Variants in ZNF18 observed in about 807,000 individuals in gnomAD.
ZNF18 encodes the protein heart development-specific gene 1 protein.
In ZNF18, 42 loss-of-function variants were observed where a neutral mutation model predicts 58.1. The observed-to-expected ratio is 0.72, with a 90% CI of 0.56 to 0.93. The LOEUF (loss-of-function observed/expected upper bound fraction) is 0.93, where lower values mean the gene tolerates loss of function less well. ZNF18 is among the 40% of genes least tolerant of loss of function. The pLI, the probability that ZNF18 is intolerant of heterozygous loss-of-function variation, is 0.00. For missense variants in ZNF18, 540 were observed against 644.2 expected (o/e 0.84, Z 1.75); for synonymous variants, 231 against 239.8 (o/e 0.96, Z 0.34).
chr17:11,981,814 C>T (rs1410383863), intron 6 of ZNF18, among the ~76,000 whole-genome samples: 3 of 152,086 alleles, frequency 2.0e-5, no homozygotes, highest in Non-Finnish European at 4.4e-5. Context: ...CTGCAACAAC[C>T]TCCAAAGCAA....
At chr17:12,008,998 C>A in the ZNF18 span, 3 of 152,208 alleles carry the variant, frequency 2.0e-5, no homozygotes. Flanking sequence ...CTGGCAAATT[C>A]CTGACTTACG....
chr17:12,016,546 T>C, the ZNF18 span, among the ~76,000 whole-genome samples: 1 of 152,066 alleles, frequency 6.6e-6, no homozygotes, highest in African/African-American at 2.4e-5. Flanking sequence ...CCCACCTTGG[T>C]TTTGAACTCC....
chr17:12,004,917 G>A, the ZNF18 span, among the ~76,000 whole-genome samples: 1 of 148,634 alleles, frequency 6.7e-6, no homozygotes, highest in African/African-American at 2.5e-5. Context: ...GAAAAGAAAT[G>A]TGCATTTATA....
At chr17:12,017,864 C>T in the ZNF18 span, among the ~76,000 whole-genome samples, 1 of 141,408 alleles carries the variant, frequency 7.1e-6, no homozygotes, top group African/African-American at 2.6e-5. Flanking sequence ...GCAACAAGAG[C>T]GAAACACCAT....
the ZNF18 span, chr17:12,021,043 G>A: frequency 2.2e-5 from 25 of 1,147,014 alleles, no homozygotes; most frequent in South Asian, 4.4e-5. Context: ...CCCCTAGCGC[G>A]GCAACCCGCG....
chr17:12,008,709 T>C, the ZNF18 span, among the ~76,000 whole-genome samples: 7 of 152,294 alleles, frequency 4.6e-5, no homozygotes, highest in African/African-American at 1.7e-4. Flanking sequence ...CTACTGAAGA[T>C]TGGGCAGGGC....
chr17:12,008,889 T>A, the ZNF18 span, among the ~76,000 whole-genome samples: 3 of 152,222 alleles, frequency 2.0e-5, no homozygotes, highest in Non-Finnish European at 4.4e-5. Context: ...GGTCAACAGA[T>A]AAGAATTTAG....
In ZNF18 at chr17:11,978,329, G is replaced by A; in HGVS notation, c.1278C>T (p.His426=). The change falls in exon 7 of 7, where the codon CAC becomes CAT. Residue 426 remains histidine (H), a synonymous_variant. Coordinates refer to ENST00000580306, the MANE Select transcript of ZNF18 (RefSeq NM_001303281.2). ...ATGTCTCTCCGGTGTGAGTTCTTTGGTGAAAAATAAGCTGAGAATTCCTAT... is the reference window on the plus strand; with the variant it reads ...ATGTCTCTCCGGTGTGAGTTCTTTGATGAAAAATAAGCTGAGAATTCCTAT... ...TFYRNSQLIF[H]QRTHTGETYF... is the part of the protein sequence containing the mutation. 6.3e-7 allele frequency: 1 copy of A among 1,589,486 alleles called. No homozygotes were observed. Among genetic ancestry groups the A allele is most frequent in the South Asian group, 1.1e-5 (1 of 87,084 alleles).
upstream of ZNF18, among the ~76,000 whole-genome samples, chr17:11,997,805 C>G (rs890734513): frequency 6.6e-6 from 1 of 152,232 alleles, no homozygotes. Flanking sequence ...CCAAACCCTT[C>G]CGCCCAGTCC....
the ZNF18 span, among the ~76,000 whole-genome samples, chr17:12,017,743 G>T: frequency 1.3e-5 from 2 of 152,068 alleles, no homozygotes; most frequent in East Asian, 3.9e-4. Flanking sequence ...CAGGTGTGGT[G>T]GCACATGCCT....
At chr17:11,999,941 T>C (rs1968627659), upstream of ZNF18, among the ~76,000 whole-genome samples, 1 of 152,194 alleles carries the variant, frequency 6.6e-6, no homozygotes, top group Non-Finnish European at 1.5e-5. Flanking sequence ...GTTGTTGTTG[T>C]TGTTTGAGAC....
rs1341762965 is a variant in ZNF18, at chr17:11,977,859, CAG to C, written c.*96_*97del. On this transcript the variant is annotated 3_prime_UTR_variant, in exon 7 of 7. Transcript: ENST00000580306. ...CCAATCCAAGAAAAAAGGAGATTAA[CAG>C]GGGTATCCTCTTAGACACAATTCCT... The C allele has an allele frequency of 7.2e-7, 1 of 1,379,470 alleles. No homozygotes were observed. Among genetic ancestry groups the C allele is most frequent in the African/African-American group, 1.5e-5 (1 of 68,792 alleles). 85.5% of individuals were successfully genotyped at this position (1,379,470 alleles called of 1,614,324 possible).
chr17:11,982,657 A>ATGT (rs529565211), intron 6 of ZNF18, among the ~76,000 whole-genome samples: 1 of 136,720 alleles, frequency 7.3e-6, no homozygotes, highest in African/African-American at 2.7e-5. Flanking sequence ...TATATATAAA[A>ATGT]GTGTGTGTGT....
the ZNF18 span, among the ~76,000 whole-genome samples, chr17:12,017,986 G>A: frequency 3.9e-5 from 6 of 152,092 alleles, no homozygotes; most frequent in African/African-American, 1.4e-4. Context: ...ATACACAGAC[G>A]TTACTCTTTC....
the ZNF18 span, among the ~76,000 whole-genome samples, chr17:12,010,193 T>A: frequency 1.3e-5 from 2 of 152,154 alleles, no homozygotes; most frequent in Non-Finnish European, 2.9e-5. Context: ...TTTCACTGTA[T>A]AAATATAGTA....
the ZNF18 span, among the ~76,000 whole-genome samples, chr17:12,003,918 C>A: frequency 2.6e-5 from 4 of 152,158 alleles, no homozygotes; most frequent in East Asian, 1.9e-4. Context: ...GTGAGGAGGC[C>A]CACACCATGG....
At position 11,990,547 on chromosome 17, in the gene ZNF18, A is replaced by G. The variant is rs747647673; in HGVS notation, c.581T>C (p.Leu194Pro). ...CAGTCGGGCAGGCTGGGAGGCAGCC[A>G]GGGCTGAAGTGAGGAGAGGAAGTTT... ...EESDTEAELA[L>P]AASQPARLEE... The change falls in exon 4 of 7, where the codon CTG (leucine) becomes CCG (proline). Residue 194 changes from leucine to proline, a missense_variant. Leu to Pro is a moderately conservative substitution (Grantham distance 98, BLOSUM62 -3). Coordinates refer to ENST00000580306, the MANE Select transcript of ZNF18 (RefSeq NM_001303281.2). 1 of 1,609,326 alleles carries G rather than the reference A, an allele frequency of 6.2e-7. No homozygotes were observed. The highest frequency in any genetic ancestry group is 1.1e-5 in the South Asian group (1 of 89,668).
intron 1 of ZNF18, chr17:11,996,964 T>TAGTGCTC (rs1968507835): frequency 6.6e-6 from 1 of 152,236 alleles, no homozygotes. Context: ...AACTGGCATT[T>TAGTGCTC]AGTGCTCGAG....
chr17:11,989,072 T>G (rs1053456825), intron 4 of ZNF18, among the ~76,000 whole-genome samples: 1 of 151,980 alleles, frequency 6.6e-6, no homozygotes, highest in Non-Finnish European at 1.5e-5. Flanking sequence ...GGCAGGAGAA[T>G]TGCTTGAACC....
Sources: gnomAD v4.1 joint callset for allele counts (sites outside exome capture counted in the v4.1 genomes callset) on GRCh38, gnomAD v4.1.1 for gene constraint, MANE v1.5 for transcripts, NCBI Gene and HGNC (gene_info 2026-07-23, HGNC 2026-07-21) for gene names.